The following MED8 variants were observed in gnomAD, a reference collection of about 807,000 sequenced individuals.
MED8 encodes mediator complex subunit 8.
Under a neutral mutation model 34.8 loss-of-function variants are expected in MED8, and 22 were observed. The observed-to-expected ratio is 0.63, with a 90% CI of 0.45 to 0.90. The LOEUF (loss-of-function observed/expected upper bound fraction) is 0.90. Ranked by LOEUF, MED8 falls within the 40% of genes least tolerant of loss-of-function variation. MED8 has a pLI of 0.00. For missense variants in MED8, 260 were observed against 326.3 expected (o/e 0.80, Z 1.57); for synonymous variants, 105 against 120.2 (o/e 0.87, Z 0.83).
chr1:43,384,273 G>C lies in MED8; in HGVS notation c.*769C>G. 6 of 662,590 alleles carry C rather than the reference G, an allele frequency of 9.1e-6. No individual in the cohort carries two copies. The highest frequency in any genetic ancestry group is 1.4e-5 in the Non-Finnish European group (6 of 419,204). The allele number at this position is 662,590 out of a possible 1,614,324, so 41.0% of individuals were successfully genotyped here. On this transcript the variant is annotated 3_prime_UTR_variant, in exon 7 of 7. Transcript: ENST00000372457. ...TAAGAAACATGAATCCAGGGGAAGGGGCTTTTTCGTGTGCTAAGGAAAAAC... is the reference window on the plus strand; with the variant it reads ...TAAGAAACATGAATCCAGGGGAAGGCGCTTTTTCGTGTGCTAAGGAAAAAC...
In MED8 at chr1:43,384,361, G is replaced by A. The variant is rs1266693823; in HGVS notation, c.*681C>T. The A allele has an allele frequency of 2.0e-6, 3 of 1,467,052 alleles. No individual in the cohort carries two copies. Among genetic ancestry groups the A allele is most frequent in the South Asian group, 1.4e-5 (1 of 71,980 alleles). The allele number at this position is 1,467,052 out of a possible 1,614,324, so 90.9% of individuals were successfully genotyped here. A position where few individuals can be genotyped will look rare whatever the true frequency, so the allele number is the denominator to read the frequency against. ...TGAGAAAGCCTCGTGTGTATAAGGT[G>A]GGGTAAAGGATAGGGGACTTTATGA... On this transcript the variant is annotated 3_prime_UTR_variant, in exon 7 of 7. Transcript: ENST00000372457.
intron 2 of MED8, among the ~76,000 whole-genome samples, chr1:43,388,041 C>T (rs373040943): frequency 2.0e-5 from 3 of 152,252 alleles, no homozygotes; most frequent in South Asian, 2.1e-4. Flanking sequence ...AGATCCAGCA[C>T]GAATAGAGCT....
intron 3 of MED8, 150 bp from the exon 4 acceptor site, chr1:43,387,148 T>G (rs1411845226): frequency 2.8e-6 from 3 of 1,078,204 alleles, no homozygotes; most frequent in Non-Finnish European, 4.0e-6. Context: ...CACACTCTCC[T>G]TTACTCCATC....
In MED8 at chr1:43,386,039, T is replaced by G; in HGVS notation, c.681A>C (p.Gly227=). 1 of 1,613,998 alleles carries G rather than the reference T, an allele frequency of 6.2e-7. No individual in the cohort carries two copies. The highest frequency in any genetic ancestry group is 8.5e-7 in the Non-Finnish European group (1 of 1,179,890). The change falls in exon 6 of 7, where the codon GGA becomes GGC. Residue 227 remains glycine (G), a synonymous_variant. Coordinates refer to ENST00000372457, the MANE Select transcript of MED8 (RefSeq NM_201542.5). The surrounding 1 kb of genome is among the most constrained non-coding windows in gnomAD (Gnocchi z 4.9). ...GCATTGGCTGCTGCTGGCTTGGAGC[T>G]CCTGCCATCTGCACCTGCTGTAATC... ...TSGLQQVQMA[G]APSQQQPMLS...
rs747578373 is a variant in MED8, at chr1:43,384,553, C to T, written c.*489G>A. On this transcript the variant is annotated 3_prime_UTR_variant, in exon 7 of 7. Transcript: ENST00000372457. ...CAGAATGAAACCCAGGCAGGAGGGC[C>T]TGCAAAAACAGTGTGCCTCTAAGAA... The T allele has an allele frequency of 2.4e-5, 38 of 1,605,734 alleles. No individual in the cohort carries two copies. In the South Asian group the frequency reaches 4.2e-4, roughly 18 times the overall value.
Position 43,384,794 on chromosome 1 carries a change from C to G in MED8, c.*248G>C. The stretch of plus-strand genomic sequence containing the variant: ...GTACTAAGTGCTTTACATTCATTTC[C>G]TCATTTTAATCCTCACAACAACCCT... On this transcript the variant is annotated 3_prime_UTR_variant, in exon 7 of 7. Transcript: ENST00000372457. 1 of 1,401,858 alleles carries G rather than the reference C, an allele frequency of 7.1e-7. No homozygotes were observed. The highest frequency in any genetic ancestry group is 3.2e-5 in the Admixed American group (1 of 31,706). The allele number at this position is 1,401,858 out of a possible 1,614,324, so 86.8% of individuals were successfully genotyped here.
rs1647751345 is a variant in MED8 at position 43,386,826 on chromosome 1, G to A, written c.411+32C>T. The A allele has an allele frequency of 6.2e-7, 1 of 1,613,142 alleles. No homozygotes were observed. The highest frequency in any genetic ancestry group is 8.5e-7 in the Non-Finnish European group (1 of 1,179,372). ...GCCTAGCTTCTCATGATGGGATGGG[G>A]ATGGGGCAGCAAGGCAGTGACTCAG... On this transcript the variant is annotated intron_variant, in intron 4 of 6. Coordinates refer to ENST00000372457, the MANE Select transcript of MED8 (RefSeq NM_201542.5). The surrounding 1 kb of genome is among the most constrained non-coding windows in gnomAD (Gnocchi z 4.9).
intron 6 of MED8, chr1:43,385,506 A>C (rs905712962): frequency 8.2e-6 from 2 of 245,344 alleles, no homozygotes; most frequent in African/African-American, 2.3e-5. Flanking sequence ...GCCTGCATCT[A>C]GACTGTTCTA....
At position 43,386,066 on chromosome 1, in the gene MED8, T is replaced by G; in HGVS notation, c.654A>C (p.Ser218=). ...PGAGTILAGT[S]GLQQVQMAGA... is the part of the protein sequence containing the mutation. ...CTGCCATCTGCACCTGCTGTAATCC[T>G]GAGGTTCCTGCAAGGATCGTCCCAG... Residue 218 remains serine (S), a synonymous_variant, in exon 6 of 7, where the codon TCA becomes TCC. Transcript: ENST00000372457. The surrounding 1 kb of genome is among the most constrained non-coding windows in gnomAD (Gnocchi z 4.9). The G allele has an allele frequency of 6.2e-7, 1 of 1,614,034 alleles. No homozygotes were observed. The highest frequency in any genetic ancestry group is 8.5e-7 in the Non-Finnish European group (1 of 1,179,894).
rs371818643 is a variant in MED8, at chr1:43,384,446, A to C, written c.*596T>G. 56 of 1,594,324 alleles carry C rather than the reference A, an allele frequency of 3.5e-5. No individual in the cohort carries two copies. The highest frequency in any genetic ancestry group is 4.5e-5 in the Non-Finnish European group (53 of 1,170,438). ...GAGGATGGAAAGGAGAGCAGGCCCA[A>C]GCTTCACCAGAGCTGCAGGTGGGCA... is the stretch of plus-strand genomic sequence containing the variant. On this transcript the variant is annotated 3_prime_UTR_variant, in exon 7 of 7. Coordinates refer to ENST00000372457, the MANE Select transcript of MED8 (RefSeq NM_201542.5).
Position 43,386,054 on chromosome 1 carries a change from C to G in MED8, c.666G>C (p.Gln222His), listed in dbSNP as rs139457461. ...GGCTTGGAGCTCCTGCCATCTGCAC[C>G]TGCTGTAATCCTGAGGTTCCTGCAA... Reference protein sequence around the residue: ...TILAGTSGLQQVQMAGAPSQQ... With the variant: ...TILAGTSGLQHVQMAGAPSQQ... The change falls in exon 6 of 7, where the codon CAG becomes CAC. Residue 222 changes from glutamine to histidine, a missense_variant. Transcript: ENST00000372457. The surrounding 1 kb of genome is among the most constrained non-coding windows in gnomAD (Gnocchi z 4.9). The G allele has an allele frequency of 1.2e-5, 20 of 1,613,894 alleles. No individual in the cohort carries two copies. Among genetic ancestry groups the G allele is most frequent in the Middle Eastern group, 1.6e-4 (1 of 6,084 alleles).
Position 43,387,535 on chromosome 1 carries a change from C to A in MED8, c.238G>T (p.Val80Leu), listed in dbSNP as rs1431724836. 2 of 1,613,998 alleles carry A rather than the reference C, an allele frequency of 1.2e-6. No homozygotes were observed. The highest frequency in any genetic ancestry group is 2.2e-5 in the South Asian group (2 of 91,080). ...TCTTCATCTCGGTCTGGAGACAACACCAGAGGAATGATGACCTGGTTACGG... is the reference window on the plus strand; with the variant it reads ...TCTTCATCTCGGTCTGGAGACAACAACAGAGGAATGATGACCTGGTTACGG... ...LFRNQVIIPL[V>L]LSPDRDEDLM... The change falls in exon 3 of 7, where the codon GTG becomes TTG. Residue 80 changes from valine (V) to leucine (L), a missense_variant. Transcript: ENST00000372457.
At position 43,384,560 on chromosome 1, in the gene MED8, A is replaced by C; in HGVS notation, c.*482T>G. On this transcript the variant is annotated 3_prime_UTR_variant, in exon 7 of 7. Transcript: ENST00000372457. ...AAACCCAGGCAGGAGGGCCTGCAAA[A>C]ACAGTGTGCCTCTAAGAACACAGAG... The C allele has an allele frequency of 1.2e-6, 2 of 1,603,558 alleles. No homozygotes were observed. The highest frequency in any genetic ancestry group is 1.7e-6 in the Non-Finnish European group (2 of 1,175,180).
Position 43,386,454 on chromosome 1 carries a change from A to T in MED8, c.493+135T>A. ...CTTCAGTGCTGGCCTTAAATACAAA[A>T]GGCTAACAGAATGGATACAAACCCC... On this transcript the variant is annotated intron_variant, in intron 5 of 6. Transcript: ENST00000372457. This position sits in a 1 kb window ranked among gnomAD's most constrained non-coding sequence, Gnocchi z 4.9. 9.0e-7 allele frequency: 1 copy of T among 1,114,280 alleles called. No homozygotes were observed. Among genetic ancestry groups the T allele is most frequent in the African/African-American group, 1.6e-5 (1 of 63,968 alleles). 69.0% of individuals were successfully genotyped at this position (1,114,280 alleles called of 1,614,324 possible). A position where few individuals can be genotyped will look rare whatever the true frequency, so the allele number is the denominator to read the frequency against.
chr1:43,389,382 A>C (rs1647963696), intron 1 of MED8, among the ~76,000 whole-genome samples: 1 of 152,124 alleles, frequency 6.6e-6, no homozygotes, highest in African/African-American at 2.4e-5. Flanking sequence ...CCCCTGCTAT[A>C]TCGGCAACCA....
chr1:43,388,647 C>T (rs1244298420), intron 1 of MED8: 4 of 604,576 alleles, frequency 6.6e-6, no homozygotes, highest in Non-Finnish European at 1.1e-5. Flanking sequence ...AGTCCTTCCA[C>T]CAACTGATTC....
rs1469626887 is a variant in MED8 at position 43,386,259 on chromosome 1, G to C, written c.494-33C>G. ...AAAAGTAATGGGGATCCTGAAGTAT[G>C]CTTCTGATGCAGGACTGAACGTGGC... On this transcript the variant is annotated intron_variant, in intron 5 of 6. Transcript: ENST00000372457. The surrounding 1 kb of genome is among the most constrained non-coding windows in gnomAD (Gnocchi z 4.9). 1.9e-6 allele frequency: 3 copies of C among 1,601,570 alleles called. No individual in the cohort carries two copies. The highest frequency in any genetic ancestry group is 2.6e-6 in the Non-Finnish European group (3 of 1,176,272).
At position 43,385,330 on chromosome 1, in the gene MED8, A is replaced by C; in HGVS notation, c.743-224T>G. 9 of 534,238 alleles carry C rather than the reference A, an allele frequency of 1.7e-5. No homozygotes were observed. In the South Asian group the frequency reaches 2.2e-4, roughly 13 times the overall value. The allele number at this position is 534,238 out of a possible 1,614,324, so 33.1% of individuals were successfully genotyped here. A position where few individuals can be genotyped will look rare whatever the true frequency, so the allele number is the denominator to read the frequency against. On this transcript the variant is annotated intron_variant, in intron 6 of 6. Transcript: ENST00000372457. ...ACATGGGAGAATAGTCTGTTCATCC[A>C]CTCCTAGAACAGATAGCTAAACCTG...
chr1:43,388,472 G>A, intron 1 of MED8, 44 bp from the exon 2 acceptor site: 5 of 1,606,404 alleles, frequency 3.1e-6, no homozygotes, highest in Non-Finnish European at 4.2e-6. Flanking sequence ...AAACGAGTAT[G>A]ACACATAGAA....
Sources: gnomAD v4.1 joint callset for allele counts (sites outside exome capture counted in the v4.1 genomes callset) on GRCh38, gnomAD v4.1.1 for gene constraint, Gnocchi (gnomAD v3.1) non-coding constraint, MANE v1.5 for transcripts, NCBI Gene and HGNC (gene_info 2026-07-23, HGNC 2026-07-21) for gene names.